MAF: variants seen among roughly 807,000 people sequenced by gnomAD.
The protein encoded by MAF is MAF bZIP transcription factor.
A neutral mutation model predicts 22.0 loss-of-function variants in MAF; 10 were observed. The observed-to-expected ratio is 0.45, with a 90% CI of 0.28 to 0.77. MAF has a LOEUF of 0.77. Among genes scored for constraint, MAF ranks in the 30% least tolerant of loss-of-function variants. The pLI is 0.12. For missense variants in MAF, 544 were observed against 548.4 expected (o/e 0.99, Z 0.08); for synonymous variants, 337 against 255.8 (o/e 1.32, Z -3.03).
At chr16:79,243,646 A>G in the MAF span, among the ~76,000 whole-genome samples, 5 of 152,056 alleles carry the variant, frequency 3.3e-5, no homozygotes, top group African/African-American at 1.2e-4. Context: ...TACAAAGAGG[A>G]GCTGGTACCA....
the MAF span, among the ~76,000 whole-genome samples, chr16:79,406,870 G>T: frequency 6.6e-6 from 1 of 152,182 alleles, no homozygotes; most frequent in Non-Finnish European, 1.5e-5. Flanking sequence ...AAAGAAGACA[G>T]TGGACCTGAT....
chr16:79,442,787 G>C, the MAF span, among the ~76,000 whole-genome samples: 7 of 152,324 alleles, frequency 4.6e-5, no homozygotes, highest in East Asian at 1.4e-3. Context: ...ACACAAGAAG[G>C]TGTGAGAGAC....
the MAF span, chr16:79,516,083 C>T: frequency 6.6e-6 from 1 of 152,016 alleles, no homozygotes; most frequent in South Asian, 2.1e-4. Context: ...CCCACTCCCA[C>T]CTCTATTCGA....
chr16:79,363,765 C>A, the MAF span, among the ~76,000 whole-genome samples: 1 of 152,034 alleles, frequency 6.6e-6, no homozygotes, highest in African/African-American at 2.4e-5. Flanking sequence ...AAATAGGAGA[C>A]TTGGTAAGAG....
chr16:79,552,458 G>T, the MAF span, among the ~76,000 whole-genome samples: 2 of 152,136 alleles, frequency 1.3e-5, no homozygotes, highest in Non-Finnish European at 2.9e-5. Flanking sequence ...ATCCTCCCAT[G>T]TCGGCCTTCC....
chr16:79,245,984 A>T, the MAF span, among the ~76,000 whole-genome samples: 1 of 152,026 alleles, frequency 6.6e-6, no homozygotes, highest in African/African-American at 2.4e-5. Context: ...GCATGTTCTG[A>T]CTCAAAAGTG....
At chr16:79,395,524 G>A in the MAF span, among the ~76,000 whole-genome samples, 1 of 152,128 alleles carries the variant, frequency 6.6e-6, no homozygotes, top group Non-Finnish European at 1.5e-5. Context: ...GGAGACTGTG[G>A]AAGACACAGA....
chr16:79,582,637 A>G (rs1912591770), downstream of MAF, among the ~76,000 whole-genome samples: 1 of 152,256 alleles, frequency 6.6e-6, no homozygotes, highest in African/African-American at 2.4e-5. Flanking sequence ...GGAGGAGTAT[A>G]ATCCAAATAA....
In MAF at chr16:79,600,582, T is replaced by TA. The variant is rs1192937625; in HGVS notation, c.-681dup. ...ACTGGAGGAGAGGGAGGGGGGAGTT[T>TA]AGTTCTTTCTTGCCTTTTTTTAAAA... On this transcript the variant is annotated 5_prime_UTR_variant, in exon 1 of 2. Transcript: ENST00000326043. 5.1e-6 allele frequency: 1 copy of TA among 196,126 alleles called. No individual in the cohort carries two copies. Among genetic ancestry groups the TA allele is most frequent in the Non-Finnish European group, 1.2e-5 (1 of 85,226 alleles). 12.1% of individuals were successfully genotyped at this position (196,126 alleles called of 1,614,324 possible).
At chr16:79,487,852 C>T in the MAF span, among the ~76,000 whole-genome samples, 2 of 152,200 alleles carry the variant, frequency 1.3e-5, no homozygotes, top group Non-Finnish European at 2.9e-5. Flanking sequence ...TGGTAAACAG[C>T]TCTGCTTTCA....
At chr16:79,533,335 C>T in the MAF span, among the ~76,000 whole-genome samples, 2,530 of 152,262 alleles carry the variant, frequency 0.017, 34 homozygotes, top group Non-Finnish European at 0.027. Context: ...TTTCCACCCA[C>T]CCCACTCCTT....
At chr16:79,306,798 G>C in the MAF span, among the ~76,000 whole-genome samples, 1 of 152,166 alleles carries the variant, frequency 6.6e-6, no homozygotes, top group Non-Finnish European at 1.5e-5. Flanking sequence ...ACTAGAGGCA[G>C]TCTCTCTGTG....
At chr16:79,587,875 G>C (rs867720835) in intron 1 of MAF, among the ~76,000 whole-genome samples, 2,723 of 149,650 alleles carry the variant, frequency 0.018, 66 homozygotes, top group Middle Eastern at 0.045. Context: ...CAAAAGGGGG[G>C]GGGGGGTAGA....
At chr16:79,342,556 C>T in the MAF span, among the ~76,000 whole-genome samples, 1 of 152,142 alleles carries the variant, frequency 6.6e-6, no homozygotes, top group Non-Finnish European at 1.5e-5. Flanking sequence ...CCGTCACCAT[C>T]TCCATTACCA....
At chr16:79,589,485 G>C (rs1282093258), downstream of MAF, among the ~76,000 whole-genome samples, 4 of 148,232 alleles carry the variant, frequency 2.7e-5, no homozygotes, top group South Asian at 8.6e-4. Flanking sequence ...ACCGAAGCAG[G>C]AAAAAAAAAG....
At chr16:79,575,955 C>A in the MAF span, among the ~76,000 whole-genome samples, 1 of 152,148 alleles carries the variant, frequency 6.6e-6, no homozygotes, top group Non-Finnish European at 1.5e-5. Context: ...AACAGAGAGT[C>A]CTAAACCGGG....
chr16:79,437,717 C>A, the MAF span, among the ~76,000 whole-genome samples: 1 of 152,108 alleles, frequency 6.6e-6, no homozygotes, highest in Non-Finnish European at 1.5e-5. Context: ...TTCCAGAGCA[C>A]GAGCTTCTCG....
chr16:79,298,262 G>A, the MAF span, among the ~76,000 whole-genome samples: 1 of 152,212 alleles, frequency 6.6e-6, no homozygotes, highest in Non-Finnish European at 1.5e-5. Context: ...GAGGAAAAGA[G>A]CAGCCCTCCT....
intron 1 of MAF, chr16:79,595,465 C>T (rs907701604): frequency 1.1e-5 from 12 of 1,058,250 alleles, no homozygotes; most frequent in Admixed American, 5.4e-5. Context: ...TCGTGTTTGG[C>T]TGTATTTTCA....
Sources: allele counts gnomAD v4.1 joint callset (sites outside exome capture counted in the v4.1 genomes callset), GRCh38; gene constraint gnomAD v4.1.1; transcripts MANE v1.5; gene names NCBI Gene and HGNC (gene_info 2026-07-23, HGNC 2026-07-21).